The following PPARGC1B variants were observed in gnomAD, a reference collection of about 807,000 sequenced individuals.
The protein encoded by PPARGC1B is peroxisome proliferator-activated receptor gamma coactivator 1-beta.
A neutral mutation model predicts 101.6 loss-of-function variants in PPARGC1B; 34 were observed. The ratio of observed to expected loss-of-function variants is 0.33; its 90% CI spans 0.25 to 0.45. The LOEUF (loss-of-function observed/expected upper bound fraction) is 0.45, where lower values mean the gene tolerates loss of function less well. Ranked by LOEUF, PPARGC1B falls within the 20% of genes least tolerant of loss-of-function variation. The pLI is 1.00. For missense variants in PPARGC1B, 1,234 were observed against 1,317.6 expected (o/e 0.94, Z 0.98); for synonymous variants, 548 against 539.3 (o/e 1.02, Z -0.22).
chr5:149,731,205 G>A (rs948066347), intron 1 of PPARGC1B, among the ~76,000 whole-genome samples: 2 of 152,202 alleles, frequency 1.3e-5, no homozygotes, highest in African/African-American at 4.8e-5. Context: ...CTGGCGACAC[G>A]CGCGTGACAG....
rs115086457 is a variant in PPARGC1B, at chr5:149,832,742, A to G, written c.669A>G (p.Ala223=). The G allele has an allele frequency of 2.4e-4, 387 of 1,610,620 alleles. No individual in the cohort carries two copies. The African/African-American group carries it at 4.4e-3, about 18-fold the overall frequency. ...CTELHKHLTS[A]QCCLQDRGLQ... ...AACTACATAAGCACCTCACCTCGGC[A>G]CAGTGCTGCCTGCAGGATCGGGGTC... Residue 223 remains alanine, a synonymous_variant, in exon 5 of 12, where the codon GCA becomes GCG. Transcript: ENST00000309241. This position sits in a 1 kb window ranked among gnomAD's most constrained non-coding sequence, Gnocchi z 4.9.
At chr5:149,769,303 C>T (rs777920018) in intron 1 of PPARGC1B, among the ~76,000 whole-genome samples, 5 of 152,202 alleles carry the variant, frequency 3.3e-5, no homozygotes, top group Non-Finnish European at 5.9e-5. Flanking sequence ...TTGTGTGGCC[C>T]GGTTCCTAAC....
chr5:149,788,245 C>A (rs1756882507), intron 1 of PPARGC1B, among the ~76,000 whole-genome samples: 1 of 152,132 alleles, frequency 6.6e-6, no homozygotes, highest in Non-Finnish European at 1.5e-5. Context: ...ATCAAACAAC[C>A]CCATCAACAA....
At chr5:149,755,116 G>A (rs901595415) in intron 1 of PPARGC1B, among the ~76,000 whole-genome samples, 3 of 147,512 alleles carry the variant, frequency 2.0e-5, no homozygotes, top group African/African-American at 7.7e-5. Flanking sequence ...ATTATGTTGG[G>A]CAGGCTGGTC....
chr5:149,820,526 T>C lies in PPARGC1B; in HGVS notation c.172T>C (p.Phe58Leu). Residue 58 changes from phenylalanine to leucine, a missense_variant, in exon 2 of 12, where the codon TTT becomes CTT. Physicochemically the swap from Phe to Leu is conservative, Grantham distance 22 (BLOSUM62 0). Around this residue, in one of 3 missense-constraint regions of PPARGC1B, gnomAD observed 734 missense variants for 768.4 expected, o/e 0.96. Transcript: ENST00000309241. ...DASDFDSATCFGELQWCPENS... is the reference protein window; with the variant it reads ...DASDFDSATCLGELQWCPENS... ...CAGCGACTTTGACTCGGCCACCTGC[T>C]TTGGGGAGCTGCAGTGGTGCCCAGA... is the stretch of plus-strand genomic sequence containing the variant. 1 of 1,614,082 alleles carries C rather than the reference T, an allele frequency of 6.2e-7. No individual in the cohort carries two copies. The highest frequency in any genetic ancestry group is 1.3e-5 in the African/African-American group (1 of 75,046).
chr5:149,762,571 C>G (rs1314313838), intron 1 of PPARGC1B, among the ~76,000 whole-genome samples: 1 of 152,208 alleles, frequency 6.6e-6, no homozygotes, highest in Non-Finnish European at 1.5e-5. Flanking sequence ...TTCCAAGGCT[C>G]TCAGTCCCTC....
chr5:149,741,699 C>T (rs1325450664), intron 1 of PPARGC1B, among the ~76,000 whole-genome samples: 2 of 151,232 alleles, frequency 1.3e-5, no homozygotes, highest in East Asian at 3.9e-4. Flanking sequence ...GCGATCTCAG[C>T]TCACTGCAAC....
At chr5:149,779,404 C>T (rs962872592) in intron 1 of PPARGC1B, among the ~76,000 whole-genome samples, 1 of 152,182 alleles carries the variant, frequency 6.6e-6, no homozygotes, top group East Asian at 1.9e-4. Flanking sequence ...TTGAAACCCC[C>T]ATCTTCACAA....
At chr5:149,746,944 G>A (rs2113105598) in intron 1 of PPARGC1B, among the ~76,000 whole-genome samples, 1 of 152,218 alleles carries the variant, frequency 6.6e-6, no homozygotes, top group Middle Eastern at 3.4e-3. Flanking sequence ...TTAAAATTGG[G>A]TTGTTTGTTT....
At chr5:149,732,951 T>G (rs1754559700) in intron 1 of PPARGC1B, 1 of 262,628 alleles carries the variant, frequency 3.8e-6, no homozygotes, top group Middle Eastern at 5.0e-4. Context: ...ATTTGAACTC[T>G]CCGAGCCTCA....
intron 1 of PPARGC1B, among the ~76,000 whole-genome samples, chr5:149,801,429 G>A (rs966395581): frequency 5.3e-5 from 8 of 152,140 alleles, no homozygotes; most frequent in South Asian, 2.1e-4. Context: ...AGCGTGTTCC[G>A]GGAGAGGGAA....
Position 149,750,365 on chromosome 5 carries a change from T to TTCCACAGCATTATTTTA in PPARGC1B, c.78+19951_78+19967dup, listed in dbSNP as rs554221226. ...ATATCTACAATAATTTCTTCCCCTT[T>TTCCACAGCATTATTTTA]TCCACAGCATTATTTTATCCACCTT... On this transcript the variant is annotated intron_variant, in intron 1 of 11. Coordinates refer to ENST00000309241, the MANE Select transcript of PPARGC1B (RefSeq NM_133263.4). Among the ~76,000 whole-genome samples the TTCCACAGCATTATTTTA allele has an allele frequency of 1.3e-4, 19 of 151,560 alleles. No homozygotes were observed. In the East Asian group the frequency reaches 3.1e-3, roughly 25 times the overall value.
At chr5:149,855,602 T>A (rs1759928949), downstream of PPARGC1B, among the ~76,000 whole-genome samples, 1 of 152,198 alleles carries the variant, frequency 6.6e-6, no homozygotes, top group Non-Finnish European at 1.5e-5. Flanking sequence ...GGTAATTGAA[T>A]GAGCTCAGAA....
At chr5:149,785,915 C>CT (rs10622982) in intron 1 of PPARGC1B, among the ~76,000 whole-genome samples, 83,008 of 140,216 alleles carry the variant, frequency 0.59, 24,502 homozygotes, top group East Asian at 0.77. Flanking sequence ...GACACTCATT[C>CT]TTTTTTTTTT....
intron 1 of PPARGC1B, among the ~76,000 whole-genome samples, chr5:149,745,838 C>T (rs897255418): frequency 6.6e-6 from 1 of 152,180 alleles, no homozygotes; most frequent in Admixed American, 6.5e-5. Context: ...CTCAATCCCA[C>T]ACCCACTTAT....
At chr5:149,824,853 T>C (rs1758441742) in intron 2 of PPARGC1B, among the ~76,000 whole-genome samples, 1 of 152,236 alleles carries the variant, frequency 6.6e-6, no homozygotes, top group Non-Finnish European at 1.5e-5. Flanking sequence ...CTTTCTTTTA[T>C]TCTTAGCTCT....
intron 1 of PPARGC1B, among the ~76,000 whole-genome samples, chr5:149,731,664 T>C (rs1754476653): frequency 6.6e-6 from 1 of 151,096 alleles, no homozygotes; most frequent in Non-Finnish European, 1.5e-5. Flanking sequence ...CTTTGCTTCT[T>C]GTTATAATCT....
rs547945306 is a variant in PPARGC1B, at chr5:149,832,501, G to A, written c.583-155G>A. Among the ~76,000 whole-genome samples the A allele has an allele frequency of 3.9e-5, 6 of 152,238 alleles. No homozygotes were observed. The highest frequency in any genetic ancestry group is 1.3e-4 in the Admixed American group (2 of 15,294). On this transcript the variant is annotated intron_variant, in intron 4 of 11. Transcript: ENST00000309241. This position sits in a 1 kb window ranked among gnomAD's most constrained non-coding sequence, Gnocchi z 4.9. ...ATCCACTGAGCACAGCCAGGTGCCC[G>A]GCTCTGTGTGGGAAGCTGGGGACGG...
At chr5:149,817,805 AGTTTTCT>A (rs1758117152) in intron 1 of PPARGC1B, 1 of 456,666 alleles carries the variant, frequency 2.2e-6, no homozygotes, top group Non-Finnish European at 4.4e-6. Flanking sequence ...TGTGGAAAAC[AGTTTTCT>A]GTTTTATAAA....
Sources: allele counts gnomAD v4.1 joint callset (sites outside exome capture counted in the v4.1 genomes callset), GRCh38; gene constraint gnomAD v4.1.1; regional missense constraint gnomAD v4.1.1; non-coding constraint Gnocchi (gnomAD v3.1); transcripts MANE v1.5; gene names NCBI Gene and HGNC (gene_info 2026-07-23, HGNC 2026-07-21).